PHACTR1: variants seen among roughly 807,000 people sequenced by gnomAD.
PHACTR1 encodes RPEL repeat containing 1.
Under a neutral mutation model 69.2 loss-of-function variants are expected in PHACTR1, and 16 were observed. The observed-to-expected ratio is 0.23, with a 90% CI of 0.16 to 0.35. The LOEUF (loss-of-function observed/expected upper bound fraction) is 0.35. Among genes scored for constraint, PHACTR1 ranks in the 10% least tolerant of loss-of-function variants. PHACTR1 has a pLI of 1.00. For missense variants in PHACTR1, 510 were observed against 734.7 expected, an observed-to-expected ratio of 0.69 and a Z score of 3.54; for synonymous variants, 312 against 284.5, an observed-to-expected ratio of 1.10 and a Z score of -0.97.
At chr6:13,152,348 T>G (rs896151947) in intron 5 of PHACTR1, among the ~76,000 whole-genome samples, 1 of 151,742 alleles carries the variant, frequency 6.6e-6, no homozygotes, top group African/African-American at 2.4e-5. Flanking sequence ...AAAAAAAAAT[T>G]CATCAATGTC....
chr6:12,733,112 T>G (rs1365045550), intron 3 of PHACTR1, among the ~76,000 whole-genome samples: 1 of 152,244 alleles, frequency 6.6e-6, no homozygotes, highest in Non-Finnish European at 1.5e-5. Context: ...TTTCTTCTCC[T>G]TATTGTAGAT....
chr6:12,765,426 T>C (rs1420040813), intron 4 of PHACTR1, among the ~76,000 whole-genome samples: 2 of 152,236 alleles, frequency 1.3e-5, no homozygotes, highest in Admixed American at 1.3e-4. Context: ...TGGCCTGTAA[T>C]AGATGCTCAA....
chr6:13,053,564 G>A (rs1291762795), intron 5 of PHACTR1, 35 bp downstream of exon 5: 1 of 1,599,500 alleles, frequency 6.3e-7, no homozygotes, highest in Non-Finnish European at 8.5e-7. Context: ...CCCATTTGGT[G>A]TTTGTTGCCT....
intron 4 of PHACTR1, among the ~76,000 whole-genome samples, chr6:12,954,883 C>A (rs924728024): frequency 1.3e-5 from 2 of 152,134 alleles, no homozygotes; most frequent in African/African-American, 2.4e-5. Flanking sequence ...CTCAAAATGG[C>A]CATATATAAT....
In PHACTR1 at chr6:12,888,771, A is replaced by G. The variant is rs542547360; in HGVS notation, c.250+138981A>G. Among the ~76,000 whole-genome samples, 9 of 152,258 alleles carry G rather than the reference A, an allele frequency of 5.9e-5. No individual in the cohort carries two copies. The South Asian group carries it at 1.9e-3, about 32-fold the overall frequency. Reference sequence around the variant, plus strand: ...AACTTGCAATATGTATTTCTCTCTCACGTTATATGTGTGCTTGGTGGTCAC... The same window carrying G: ...AACTTGCAATATGTATTTCTCTCTCGCGTTATATGTGTGCTTGGTGGTCAC... On this transcript the variant is annotated intron_variant, in intron 4 of 14. Coordinates refer to ENST00000332995, the MANE Select transcript of PHACTR1 (RefSeq NM_030948.6).
chr6:12,927,197 C>T (rs1788362812), intron 4 of PHACTR1, among the ~76,000 whole-genome samples: 1 of 152,150 alleles, frequency 6.6e-6, no homozygotes, highest in African/African-American at 2.4e-5. Context: ...CAGAAGGGAG[C>T]ATCTATTTTT....
chr6:13,110,030 C>T (rs1816793696), intron 5 of PHACTR1, among the ~76,000 whole-genome samples: 1 of 151,936 alleles, frequency 6.6e-6, no homozygotes, highest in Admixed American at 6.6e-5. Flanking sequence ...TTAAGCTTCT[C>T]TCAGTTTCTC....
chr6:12,887,564 T>C (rs1342740828), intron 4 of PHACTR1, among the ~76,000 whole-genome samples: 3 of 152,170 alleles, frequency 2.0e-5, no homozygotes, highest in Admixed American at 2.0e-4. Context: ...ACCCCCAACA[T>C]GGAGCATGAC....
At chr6:12,826,867 G>A (rs893484346) in intron 4 of PHACTR1, among the ~76,000 whole-genome samples, 3 of 152,108 alleles carry the variant, frequency 2.0e-5, no homozygotes, top group Non-Finnish European at 4.4e-5. Flanking sequence ...CTTTCTCCAC[G>A]ACACCCTGAC....
chr6:12,872,729 G>A (rs1004293637), intron 4 of PHACTR1, among the ~76,000 whole-genome samples: 3 of 151,850 alleles, frequency 2.0e-5, no homozygotes, highest in South Asian at 2.1e-4. Context: ...CTCATCATTC[G>A]TGTTCATCAC....
At chr6:12,938,939 A>C (rs1789773250) in intron 4 of PHACTR1, among the ~76,000 whole-genome samples, 1 of 152,154 alleles carries the variant, frequency 6.6e-6, no homozygotes, top group South Asian at 2.1e-4. Context: ...GATATACCAC[A>C]ATTTGTCCAT....
chr6:12,791,000 G>C (rs1019118026), intron 4 of PHACTR1, among the ~76,000 whole-genome samples: 2 of 152,276 alleles, frequency 1.3e-5, no homozygotes, highest in South Asian at 2.1e-4. Context: ...AGGCAAACAC[G>C]ATAGACATCC....
chr6:12,944,234 T>C (rs1673562272), intron 4 of PHACTR1, among the ~76,000 whole-genome samples: 3 of 152,220 alleles, frequency 2.0e-5, no homozygotes, highest in Non-Finnish European at 2.9e-5. Flanking sequence ...TGGTGGCTAC[T>C]GAGAGAGACG....
intron 4 of PHACTR1, among the ~76,000 whole-genome samples, chr6:12,831,329 A>G (rs1301341430): frequency 1.3e-5 from 2 of 152,228 alleles, no homozygotes; most frequent in Non-Finnish European, 2.9e-5. Context: ...AGAAAGGATC[A>G]TGGTACCCAA....
intron 4 of PHACTR1, among the ~76,000 whole-genome samples, chr6:12,928,187 G>T (rs75283735): frequency 6.6e-6 from 1 of 152,086 alleles, no homozygotes; most frequent in African/African-American, 2.4e-5. Context: ...CAGGAGATGC[G>T]GCAGACACCT....
chr6:13,147,582 C>T (rs536347683), intron 5 of PHACTR1, among the ~76,000 whole-genome samples: 85 of 152,322 alleles, frequency 5.6e-4, no homozygotes, highest in African/African-American at 2.0e-3. Flanking sequence ...GAGCAACCTT[C>T]TGCACTCTTG....
At chr6:12,995,377 T>G (rs1797306032) in intron 4 of PHACTR1, among the ~76,000 whole-genome samples, 1 of 149,454 alleles carries the variant, frequency 6.7e-6, no homozygotes, top group Admixed American at 6.7e-5. Flanking sequence ...AACAAATGAG[T>G]CACAACAACT....
chr6:12,986,779 C>A (rs868127550), intron 4 of PHACTR1, among the ~76,000 whole-genome samples: 1 of 151,996 alleles, frequency 6.6e-6, no homozygotes, highest in Non-Finnish European at 1.5e-5. Context: ...GAAGGGGAGG[C>A]GGTATTTGAG....
intron 4 of PHACTR1, among the ~76,000 whole-genome samples, chr6:12,797,291 A>G (rs979729289): frequency 6.6e-6 from 1 of 152,200 alleles, no homozygotes; most frequent in African/African-American, 2.4e-5. Context: ...ACAAAGATCA[A>G]CAACCAAAAG....
Sources: gnomAD v4.1 joint callset for allele counts (sites outside exome capture counted in the v4.1 genomes callset) on GRCh38, gnomAD v4.1.1 for gene constraint, MANE v1.5 for transcripts, NCBI Gene and HGNC (gene_info 2026-07-23, HGNC 2026-07-21) for gene names.